The following MACROD2 variants were observed in gnomAD, a reference collection of about 807,000 sequenced individuals.
The protein encoded by MACROD2 is mono-ADP ribosylhydrolase 2, also known as ADP-ribose glycohydrolase MACROD2.
Under a neutral mutation model 70.4 loss-of-function variants are expected in MACROD2, and 36 were observed. The observed-to-expected ratio is 0.51, with a 90% CI of 0.39 to 0.68. The LOEUF (loss-of-function observed/expected upper bound fraction) is 0.68, where lower values mean the gene tolerates loss of function less well. MACROD2 is among the 30% of genes least tolerant of loss of function. The pLI, the probability that MACROD2 is intolerant of heterozygous loss-of-function variation, is 0.00. For missense variants in MACROD2, 496 were observed against 538.4 expected, an observed-to-expected ratio of 0.92 and a Z score of 0.78; for synonymous variants, 172 against 178.8, an observed-to-expected ratio of 0.96 and a Z score of 0.30.
intron 3 of MACROD2, among the ~76,000 whole-genome samples, chr20:14,242,428 C>G (rs1312767771): frequency 6.6e-6 from 1 of 152,116 alleles, no homozygotes; most frequent in Non-Finnish European, 1.5e-5. Flanking sequence ...GATCTTTCCA[C>G]ATAGAATATT....
At chr20:14,644,449 A>G (rs1985266301) in intron 4 of MACROD2, among the ~76,000 whole-genome samples, 1 of 152,170 alleles carries the variant, frequency 6.6e-6, no homozygotes, top group South Asian at 2.1e-4. Flanking sequence ...GGTTTTCAGA[A>G]ATGGTTTTAT....
intron 16 of MACROD2, among the ~76,000 whole-genome samples, chr20:16,042,409 C>T (rs892476813): frequency 6.6e-6 from 1 of 151,816 alleles, no homozygotes; most frequent in Non-Finnish European, 1.5e-5. Context: ...ACTATCAGGC[C>T]CATGAATAAA....
At chr20:15,836,824 A>G (rs1294371006) in intron 8 of MACROD2, among the ~76,000 whole-genome samples, 2 of 152,144 alleles carry the variant, frequency 1.3e-5, no homozygotes, top group East Asian at 1.9e-4. Context: ...CAAGGAAGCA[A>G]TATGGGTCTA....
intron 5 of MACROD2, among the ~76,000 whole-genome samples, chr20:14,705,357 A>G (rs1329010125): frequency 2.0e-5 from 3 of 152,184 alleles, no homozygotes; most frequent in African/African-American, 7.2e-5. Flanking sequence ...TATTAAAAAA[A>G]AATAATGCCC....
rs146308072 is a variant in MACROD2, at chr20:15,356,690, A to C, written c.541-74715A>C. Among the ~76,000 whole-genome samples, 752 of 152,278 alleles carry C rather than the reference A, an allele frequency of 4.9e-3. 10 individuals are homozygous for C. The highest frequency in any genetic ancestry group is 0.018 in the African/African-American group (734 of 41,566). On this transcript the variant is annotated intron_variant, in intron 6 of 17. Coordinates refer to ENST00000684519, the MANE Select transcript of MACROD2 (RefSeq NM_001351661.2). ...TCCCAGCTCCTCAGGAGGCTGAGGCATGAGAATCACTTGAACCTGGGAGGC... is the reference window on the plus strand; with the variant it reads ...TCCCAGCTCCTCAGGAGGCTGAGGCCTGAGAATCACTTGAACCTGGGAGGC...
intron 13 of MACROD2, among the ~76,000 whole-genome samples, chr20:15,971,522 G>A (rs140071842): frequency 1.1e-3 from 164 of 152,256 alleles, no homozygotes; most frequent in Middle Eastern, 3.4e-3. Flanking sequence ...GTGGAACTGT[G>A]AGTCCATTAA....
In MACROD2 at chr20:14,838,907, AG is replaced by A. The variant is rs1218193030; in HGVS notation, c.418+153950del. On this transcript the variant is annotated intron_variant, in intron 5 of 17. Transcript: ENST00000684519. ...TGTCCTTTATGACACACAACTGAGC[AG>A]GAGACATAGAATCACATTTTTCACA... 1.6e-4 allele frequency among the ~76,000 whole-genome samples: 25 copies of A among 152,208 alleles called. 1 individual carries two copies. Among genetic ancestry groups the A allele is most frequent in the African/African-American group, 6.0e-4 (25 of 41,552 alleles).
At chr20:15,473,653 C>T (rs1454432576) in intron 7 of MACROD2, among the ~76,000 whole-genome samples, 1 of 152,210 alleles carries the variant, frequency 6.6e-6, no homozygotes, top group East Asian at 1.9e-4. Context: ...TCTACACTTG[C>T]ATGCATTTTA....
At chr20:14,270,949 G>A (rs950361983) in intron 3 of MACROD2, among the ~76,000 whole-genome samples, 9 of 152,228 alleles carry the variant, frequency 5.9e-5, no homozygotes, top group African/African-American at 9.6e-5. Context: ...AGGAGCGCCC[G>A]CCATTGCCCA....
intron 3 of MACROD2, among the ~76,000 whole-genome samples, chr20:14,401,787 GT>G (rs71335959): frequency 0.15 from 23,194 of 151,776 alleles, 2,479 homozygotes; most frequent in Non-Finnish European, 0.23. Flanking sequence ...ATATACTTTA[GT>G]TTCATCTTTG....
intron 5 of MACROD2, among the ~76,000 whole-genome samples, chr20:14,938,361 C>A (rs567193987): frequency 6.6e-6 from 1 of 152,130 alleles, no homozygotes; most frequent in Non-Finnish European, 1.5e-5. Context: ...ATCTATTATC[C>A]TTGTCTTTTT....
At chr20:15,233,099 A>G (rs175289) in intron 6 of MACROD2, among the ~76,000 whole-genome samples, 42,409 of 151,614 alleles carry the variant, frequency 0.28, 6,145 homozygotes, top group African/African-American at 0.33. Context: ...ATTTGAGAAT[A>G]CTCTGTAGTT....
At chr20:16,039,747 T>C (rs2067283442) in intron 15 of MACROD2, among the ~76,000 whole-genome samples, 1 of 151,904 alleles carries the variant, frequency 6.6e-6, no homozygotes, top group African/African-American at 2.4e-5. Flanking sequence ...AGAAAGGTAT[T>C]ATATAGTGTT....
rs565938081 is a variant in MACROD2 at position 14,060,453 on chromosome 20, G to A, written c.164-25168G>A. Among the ~76,000 whole-genome samples, 5 of 152,196 alleles carry A rather than the reference G, an allele frequency of 3.3e-5. No homozygotes were observed. In the South Asian group the frequency reaches 8.3e-4, roughly 25 times the overall value. ...TTTTAAGGCTTCCATTAAGAATGTT[G>A]ATATTCATAGGGGACACCTAGGTTT... On this transcript the variant is annotated intron_variant, in intron 2 of 17. Coordinates refer to ENST00000684519, the MANE Select transcript of MACROD2 (RefSeq NM_001351661.2).
intron 3 of MACROD2, among the ~76,000 whole-genome samples, chr20:14,487,748 T>C (rs2084751793): frequency 1.3e-5 from 2 of 152,208 alleles, no homozygotes; most frequent in Admixed American, 6.5e-5. Context: ...AGGGGATTCA[T>C]CGTATGGATT....
chr20:14,102,183 T>C (rs2148679502), intron 3 of MACROD2, among the ~76,000 whole-genome samples: 1 of 151,806 alleles, frequency 6.6e-6, no homozygotes, highest in African/African-American at 2.4e-5. Context: ...TTTGTATTTC[T>C]AGTAGAGACG....
At chr20:15,089,152 C>G (rs1357610410) in intron 5 of MACROD2, among the ~76,000 whole-genome samples, 1 of 152,032 alleles carries the variant, frequency 6.6e-6, no homozygotes, top group Non-Finnish European at 1.5e-5. Flanking sequence ...CAATGCCTTG[C>G]AAAGATCTGT....
intron 3 of MACROD2, among the ~76,000 whole-genome samples, chr20:14,116,105 C>A (rs1296738217): frequency 1.3e-5 from 2 of 152,050 alleles, no homozygotes; most frequent in African/African-American, 2.4e-5. Flanking sequence ...TAGATTTTGA[C>A]CCTGTTGTAA....
At chr20:15,001,582 C>T (rs1315466249) in intron 5 of MACROD2, among the ~76,000 whole-genome samples, 1 of 151,998 alleles carries the variant, frequency 6.6e-6, no homozygotes, top group African/African-American at 2.4e-5. Flanking sequence ...ATGCTATGTC[C>T]ATTTTCCGTT....
Sources: allele counts gnomAD v4.1 joint callset (sites outside exome capture counted in the v4.1 genomes callset), GRCh38; gene constraint gnomAD v4.1.1; transcripts MANE v1.5; gene names NCBI Gene and HGNC (gene_info 2026-07-23, HGNC 2026-07-21).